Variants in PTPRQ observed in about 807,000 individuals in gnomAD.
PTPRQ encodes phosphatidylinositol phosphatase PTPRQ.
PTPRQ carries 199 observed loss-of-function variants against 246.0 expected under a neutral mutation model. That is an observed-to-expected ratio of 0.81 (90% CI 0.72 to 0.91). The LOEUF (loss-of-function observed/expected upper bound fraction) is 0.91. Among genes scored for constraint, PTPRQ ranks in the 40% least tolerant of loss-of-function variants. The pLI is 0.00. For missense variants in PTPRQ, 2,624 were observed against 2,528.4 expected, an observed-to-expected ratio of 1.04 and a Z score of -0.81; for synonymous variants, 869 against 853.2, an observed-to-expected ratio of 1.02 and a Z score of -0.32.
chr12:80,555,254 C>A (rs1896611654), intron 25 of PTPRQ, among the ~76,000 whole-genome samples: 2 of 152,132 alleles, frequency 1.3e-5, no homozygotes, highest in South Asian at 4.1e-4. Context: ...TAGAGATAGT[C>A]TCACTATGTT....
Position 80,460,661 on chromosome 12 carries a change from T to C in PTPRQ, c.669T>C (p.Ser223=). The C allele has an allele frequency of 2.5e-6, 1 of 398,656 alleles. No individual in the cohort carries two copies. Among genetic ancestry groups the C allele is most frequent in the Non-Finnish European group, 4.4e-6 (1 of 226,050 alleles). The allele number at this position is 398,656 out of a possible 1,614,324, so 24.7% of individuals were successfully genotyped here. A position where few individuals can be genotyped will look rare whatever the true frequency, so the allele number is the denominator to read the frequency against. Residue 223 remains serine, a synonymous_variant, in exon 6 of 45, where the codon AGT becomes AGC. Coordinates refer to ENST00000644991, the MANE Select transcript of PTPRQ (RefSeq NM_001145026.2). ...TGKLPECNEN[S]ESFLWSTASP... ...CTTATTTTATTTACTAGGAGAATAG[T>C]GAATCTTTTTTATGGAGTACAGCCA... is the stretch of plus-strand genomic sequence containing the variant.
intron 19 of PTPRQ, among the ~76,000 whole-genome samples, chr12:80,536,953 C>T (rs2400725): frequency 0.15 from 22,539 of 152,096 alleles, 1,798 homozygotes; most frequent in Middle Eastern, 0.19. Flanking sequence ...TCTCTTTGTC[C>T]ATATCTAAAT....
chr12:80,514,739 A>G (rs974006196), intron 17 of PTPRQ, among the ~76,000 whole-genome samples: 24 of 146,148 alleles, frequency 1.6e-4, no homozygotes, highest in Non-Finnish European at 3.2e-4. Flanking sequence ...TGATTATATT[A>G]CATTAGGTAT....
intron 42 of PTPRQ, among the ~76,000 whole-genome samples, chr12:80,672,063 G>T (rs1900986687): frequency 1.3e-5 from 2 of 152,068 alleles, no homozygotes; most frequent in Non-Finnish European, 2.9e-5. Flanking sequence ...CATTATCAGA[G>T]AAATTTTGTC....
chr12:80,470,228 G>A (rs1049705239), intron 7 of PTPRQ, among the ~76,000 whole-genome samples: 1 of 152,188 alleles, frequency 6.6e-6, no homozygotes, highest in Non-Finnish European at 1.5e-5. Context: ...TGTAGCCATT[G>A]GTTTGAGATA....
At chr12:80,672,935 A>G (rs1030738392) in intron 42 of PTPRQ, among the ~76,000 whole-genome samples, 1 of 152,146 alleles carries the variant, frequency 6.6e-6, no homozygotes, top group African/African-American at 2.4e-5. Context: ...AGTTCCACTG[A>G]TTAAAGAAAG....
At chr12:80,528,698 T>C (rs1038003643) in intron 17 of PTPRQ, among the ~76,000 whole-genome samples, 2 of 152,162 alleles carry the variant, frequency 1.3e-5, no homozygotes, top group African/African-American at 4.8e-5. Context: ...CTATTTCAAA[T>C]TCCTGCTTCC....
At chr12:80,464,134 C>A (rs1482946833) in intron 6 of PTPRQ, among the ~76,000 whole-genome samples, 1 of 151,298 alleles carries the variant, frequency 6.6e-6, no homozygotes, top group South Asian at 2.1e-4. Flanking sequence ...ATCTCACATG[C>A]AGAGACACAC....
chr12:80,486,370 A>C (rs1202155148), intron 9 of PTPRQ, among the ~76,000 whole-genome samples: 1 of 152,114 alleles, frequency 6.6e-6, no homozygotes, highest in Non-Finnish European at 1.5e-5. Flanking sequence ...TCTTTATTAG[A>C]TCAGACTCAT....
At chr12:80,585,122 T>A (rs1182700624) in intron 25 of PTPRQ, among the ~76,000 whole-genome samples, 1 of 152,010 alleles carries the variant, frequency 6.6e-6, no homozygotes, top group African/African-American at 2.4e-5. Flanking sequence ...GTATTTGATT[T>A]CTCCTTCTGG....
chr12:80,632,180 C>T lies in PTPRQ; in HGVS notation c.5687-12C>T. 1 of 1,547,886 alleles carries T rather than the reference C, an allele frequency of 6.5e-7. No individual in the cohort carries two copies. The highest frequency in any genetic ancestry group is 8.7e-7 in the Non-Finnish European group (1 of 1,145,426). On this transcript the variant is annotated splice_polypyrimidine_tract_variant and intron_variant, in intron 33 of 44. Transcript: ENST00000644991. ...AATAATATTTAATGATCCTGTTATC[C>T]CTCTTCTCCAGGGGAAGGACTTTCA... is the stretch of plus-strand genomic sequence containing the variant.
intron 2 of PTPRQ, 105 bp from the exon 3 acceptor site, chr12:80,445,386 C>T (rs1189651362): frequency 6.9e-6 from 5 of 724,754 alleles, no homozygotes; most frequent in East Asian, 2.7e-5. Context: ...TCATATTGCT[C>T]TTTGGAAATT....
chr12:80,563,026 C>G (rs980289017), intron 25 of PTPRQ, among the ~76,000 whole-genome samples: 4 of 151,866 alleles, frequency 2.6e-5, no homozygotes, highest in Non-Finnish European at 5.9e-5. Context: ...GGAAACACAC[C>G]TACTACACTA....
At chr12:80,465,281 T>C (rs1321399273) in intron 6 of PTPRQ, 1 of 152,204 alleles carries the variant, frequency 6.6e-6, no homozygotes, top group Admixed American at 6.5e-5. Context: ...TTTCGACACA[T>C]ACACCCTCCC....
At chr12:80,615,725 A>T (rs1460210584) in intron 29 of PTPRQ, among the ~76,000 whole-genome samples, 1 of 151,148 alleles carries the variant, frequency 6.6e-6, no homozygotes, top group African/African-American at 2.4e-5. Flanking sequence ...AGAGAGGGAA[A>T]AAAAGAGGAT....
intron 8 of PTPRQ, among the ~76,000 whole-genome samples, chr12:80,476,462 T>A (rs1893814376): frequency 6.6e-6 from 1 of 152,148 alleles, no homozygotes; most frequent in South Asian, 2.1e-4. Context: ...GAATGATGAA[T>A]GAATGGCCCA....
At chr12:80,629,173 C>CAG (rs1271506154) in intron 33 of PTPRQ, among the ~76,000 whole-genome samples, 60 of 150,808 alleles carry the variant, frequency 4.0e-4, no homozygotes, top group Admixed American at 1.2e-3. Context: ...CACACACACA[C>CAG]AGAGAGAGAG....
chr12:80,568,097 G>A (rs374088166), intron 25 of PTPRQ, among the ~76,000 whole-genome samples: 1 of 152,092 alleles, frequency 6.6e-6, no homozygotes, highest in Non-Finnish European at 1.5e-5. Flanking sequence ...CTGAATTTGT[G>A]CAAAGTAATC....
chr12:80,570,547 G>A (rs552395778), intron 25 of PTPRQ, among the ~76,000 whole-genome samples: 6 of 152,190 alleles, frequency 3.9e-5, no homozygotes, highest in East Asian at 3.9e-4. Context: ...TGTTCACTCT[G>A]ATGATACTTT....
Sources: gnomAD v4.1 joint callset for allele counts (sites outside exome capture counted in the v4.1 genomes callset) on GRCh38, gnomAD v4.1.1 for gene constraint, MANE v1.5 for transcripts, NCBI Gene and HGNC (gene_info 2026-07-23, HGNC 2026-07-21) for gene names.